Variants in ZNF609 observed in about 807,000 individuals in gnomAD.
The protein encoded by ZNF609 is zinc finger protein 609.
Under a neutral mutation model 109.5 loss-of-function variants are expected in ZNF609, and 11 were observed. The ratio of observed to expected loss-of-function variants is 0.10; its 90% CI spans 0.06 to 0.17. The LOEUF is 0.17. ZNF609 is among the 10% of genes least tolerant of loss of function. The pLI is 1.00. For synonymous variants in ZNF609, 646 were observed against 662.0 expected, an observed-to-expected ratio of 0.98 and a Z score of 0.37; for missense variants, 1,559 against 1,772.4, an observed-to-expected ratio of 0.88 and a Z score of 2.16.
At chr15:64,663,723 C>T (rs958324023) in intron 3 of ZNF609, among the ~76,000 whole-genome samples, 3 of 152,012 alleles carry the variant, frequency 2.0e-5, no homozygotes, top group Non-Finnish European at 2.9e-5. Flanking sequence ...CATGAAGGAG[C>T]TGAGCATGAA....
chr15:64,651,839 T>C (rs1158232132), intron 3 of ZNF609, among the ~76,000 whole-genome samples: 3 of 152,362 alleles, frequency 2.0e-5, no homozygotes, highest in African/African-American at 7.2e-5. Flanking sequence ...ACTGTAGTTT[T>C]ATGTAGATTG....
chr15:64,623,859 G>C (rs879295299), intron 3 of ZNF609, among the ~76,000 whole-genome samples: 7 of 152,188 alleles, frequency 4.6e-5, no homozygotes, highest in Non-Finnish European at 1.0e-4. Flanking sequence ...CCTTGTCAGA[G>C]TATATGTGGT....
At chr15:64,516,414 C>T (rs1428722238) in intron 2 of ZNF609, among the ~76,000 whole-genome samples, 1 of 152,124 alleles carries the variant, frequency 6.6e-6, no homozygotes, top group East Asian at 1.9e-4. Context: ...CTCTGTTGCC[C>T]AGGCTGGAGT....
At position 64,675,663 on chromosome 15, in the gene ZNF609, G is replaced by A; in HGVS notation, c.2809G>A (p.Gly937Arg). The A allele has an allele frequency of 6.2e-7, 1 of 1,614,088 alleles. No individual in the cohort carries two copies. Among genetic ancestry groups the A allele is most frequent in the African/African-American group, 1.3e-5 (1 of 75,020 alleles). ...GGATGAGGAACCTGAGAGCATAGAA[G>A]GGAAAGTGAAGAACGATATCTGTGA... ...KRDEEPESIEGKVKNDICEEK... is the reference protein window; with the variant it reads ...KRDEEPESIERKVKNDICEEK... Residue 937 changes from glycine (G) to arginine (R), a missense_variant, in exon 5 of 10, where the codon GGG (glycine) becomes AGG (arginine). Physicochemically the swap from Gly to Arg is moderately radical, Grantham distance 125 (BLOSUM62 -2). Coordinates refer to ENST00000326648, the MANE Select transcript of ZNF609 (RefSeq NM_015042.2).
rs1233079889 is a variant in ZNF609, at chr15:64,675,774, T to C, written c.2920T>C (p.Tyr974His). 6.2e-7 allele frequency: 1 copy of C among 1,614,202 alleles called. No homozygotes were observed. The highest frequency in any genetic ancestry group is 8.5e-7 in the Non-Finnish European group (1 of 1,180,042). The stretch of plus-strand genomic sequence containing the variant: ...CAATATGTACATGCAGTCCCTGTAC[T>C]ACAACCAGTATGCCTATGTACCCCC... The part of the protein sequence containing the change: ...RPNMYMQSLY[Y>H]NQYAYVPPYG... The change falls in exon 5 of 10, where the codon TAC (tyrosine) becomes CAC (histidine). Residue 974 changes from tyrosine (Y) to histidine (H), a missense_variant. Transcript: ENST00000326648.
intron 2 of ZNF609, among the ~76,000 whole-genome samples, chr15:64,619,130 CCA>C (rs1222640581): frequency 1.3e-5 from 2 of 152,128 alleles, no homozygotes; most frequent in African/African-American, 4.8e-5. Context: ...CAGGTGTGTG[CCA>C]ACACACCCAG....
chr15:64,472,049 T>C (rs1180245567), intron 1 of ZNF609, among the ~76,000 whole-genome samples: 1 of 152,076 alleles, frequency 6.6e-6, no homozygotes. Flanking sequence ...TAGCTGGTAT[T>C]ATAGGTGTCT....
intron 1 of ZNF609, among the ~76,000 whole-genome samples, chr15:64,485,486 T>C (rs1893318644): frequency 6.6e-6 from 1 of 152,196 alleles, no homozygotes; most frequent in African/African-American, 2.4e-5. Flanking sequence ...GAGATAATTA[T>C]AGAGTCTTAC....
chr15:64,662,343 C>T (rs927454922), intron 3 of ZNF609, among the ~76,000 whole-genome samples: 2 of 152,020 alleles, frequency 1.3e-5, no homozygotes, highest in Non-Finnish European at 2.9e-5. Flanking sequence ...AATTAGGCCC[C>T]ATCTTTTTTT....
At chr15:64,461,493 A>C (rs1403593842) in intron 1 of ZNF609, among the ~76,000 whole-genome samples, 1 of 151,886 alleles carries the variant, frequency 6.6e-6, no homozygotes, top group Non-Finnish European at 1.5e-5. Context: ...TTTTCCCTTT[A>C]TGTGTAATTA....
intron 2 of ZNF609, among the ~76,000 whole-genome samples, chr15:64,591,736 T>C (rs1464790014): frequency 6.6e-6 from 1 of 151,986 alleles, no homozygotes; most frequent in Non-Finnish European, 1.5e-5. Context: ...TTTTTTTTTT[T>C]TTTGAGACAG....
chr15:64,510,083 T>C (rs944850455), intron 2 of ZNF609, among the ~76,000 whole-genome samples: 13 of 152,184 alleles, frequency 8.5e-5, no homozygotes, highest in Non-Finnish European at 1.6e-4. Flanking sequence ...TCTCATCCCA[T>C]AGGCATTTTA....
At chr15:64,571,969 G>A (rs1425392477) in intron 2 of ZNF609, among the ~76,000 whole-genome samples, 1 of 152,118 alleles carries the variant, frequency 6.6e-6, no homozygotes, top group Non-Finnish European at 1.5e-5. Flanking sequence ...TGTTTGGTTA[G>A]GACTGCCTAG....
upstream of ZNF609, among the ~76,000 whole-genome samples, chr15:64,460,199 G>C (rs921385636): frequency 6.6e-6 from 1 of 151,920 alleles, no homozygotes; most frequent in Non-Finnish European, 1.5e-5. Flanking sequence ...TTTCCTCTCT[G>C]TGGTTGAAGG....
chr15:64,581,377 A>G (rs1282641574), intron 2 of ZNF609, among the ~76,000 whole-genome samples: 3 of 151,930 alleles, frequency 2.0e-5, no homozygotes, highest in African/African-American at 7.3e-5. Flanking sequence ...GGCTTTCTAG[A>G]TTTCCAGGAA....
intron 2 of ZNF609, among the ~76,000 whole-genome samples, chr15:64,607,847 CT>C (rs1290476867): frequency 0.012 from 140 of 12,046 alleles, 2 homozygotes; most frequent in East Asian, 0.05. Context: ...TTCTTTCTTT[CT>C]TTCTTTCTTT....
At chr15:64,492,038 T>TC (rs1228085513) in intron 1 of ZNF609, among the ~76,000 whole-genome samples, 1 of 152,016 alleles carries the variant, frequency 6.6e-6, no homozygotes, top group Non-Finnish European at 1.5e-5. Flanking sequence ...GATCAGGAGT[T>TC]CGAGACCAGC....
chr15:64,614,965 C>T (rs1187691670), intron 2 of ZNF609, among the ~76,000 whole-genome samples: 1 of 151,462 alleles, frequency 6.6e-6, no homozygotes, highest in Non-Finnish European at 1.5e-5. Context: ...ATTGCAGGCA[C>T]CCGCCACCAC....
intron 1 of ZNF609, among the ~76,000 whole-genome samples, chr15:64,471,136 C>T (rs887985361): frequency 3.3e-5 from 5 of 151,996 alleles, no homozygotes; most frequent in Admixed American, 2.6e-4. Flanking sequence ...CCAAGGCTGG[C>T]GGATCAGTTG....
Sources: allele counts gnomAD v4.1 joint callset (sites outside exome capture counted in the v4.1 genomes callset), GRCh38; gene constraint gnomAD v4.1.1; transcripts MANE v1.5; gene names NCBI Gene and HGNC (gene_info 2026-07-23, HGNC 2026-07-21).